The following GRIN2A variants were observed in gnomAD, a reference collection of about 807,000 sequenced individuals.
GRIN2A encodes the protein glutamate receptor ionotropic, NMDA 2A.
GRIN2A carries 22 observed loss-of-function variants against 113.4 expected under a neutral mutation model. The ratio of observed to expected loss-of-function variants is 0.19; its 90% CI spans 0.14 to 0.28. GRIN2A has a LOEUF of 0.28. Among genes scored for constraint, GRIN2A ranks in the 10% least tolerant of loss-of-function variants. GRIN2A has a pLI of 1.00. For synonymous variants in GRIN2A, 827 were observed against 738.4 expected (o/e 1.12, Z -1.94); for missense variants, 1,502 against 1,887.0 (o/e 0.80, Z 3.78).
intron 2 of GRIN2A, among the ~76,000 whole-genome samples, chr16:10,176,438 G>C (rs367949140): frequency 1.0e-3 from 155 of 152,144 alleles, no homozygotes; most frequent in Middle Eastern, 6.8e-3. Context: ...TTGTTATAAG[G>C]CTTTGTTATT....
chr16:9,900,386 C>G (rs994651743), intron 3 of GRIN2A, among the ~76,000 whole-genome samples: 1 of 152,204 alleles, frequency 6.6e-6, no homozygotes, highest in African/African-American at 2.4e-5. Context: ...GGGCATCCAA[C>G]TCTATTCAGG....
rs571924525 is a variant in GRIN2A, at chr16:9,789,131, C to T, written c.2356+9146G>A. On this transcript the variant is annotated intron_variant, in intron 11 of 12. Transcript: ENST00000330684. ...AAGGCCAGATAATAAACATACTGGC[C>T]TTTGCAGGCCTTATGGTTTCTGTTG... 8.0e-4 allele frequency among the ~76,000 whole-genome samples: 122 copies of T among 152,338 alleles called. 1 individual carries two copies. The highest frequency in any genetic ancestry group is 2.6e-3 in the African/African-American group (108 of 41,590).
At chr16:10,039,136 C>A (rs114088061) in intron 2 of GRIN2A, among the ~76,000 whole-genome samples, 2 of 152,162 alleles carry the variant, frequency 1.3e-5, no homozygotes, top group Non-Finnish European at 2.9e-5. Context: ...CTCCCACCCC[C>A]CAATGTCCCC....
chr16:10,023,494 A>G (rs773679929), intron 2 of GRIN2A, among the ~76,000 whole-genome samples: 2 of 152,230 alleles, frequency 1.3e-5, no homozygotes, highest in Non-Finnish European at 2.9e-5. Flanking sequence ...TAAAACCAGT[A>G]AGAGAACACA....
At chr16:10,001,412 A>C (rs775869862) in intron 2 of GRIN2A, among the ~76,000 whole-genome samples, 1 of 152,210 alleles carries the variant, frequency 6.6e-6, no homozygotes, top group African/African-American at 2.4e-5. Context: ...GACTGGAATG[A>C]CCAGTGGCAA....
At chr16:9,803,330 C>T (rs933970666) in intron 10 of GRIN2A, among the ~76,000 whole-genome samples, 3 of 151,918 alleles carry the variant, frequency 2.0e-5, no homozygotes, top group Admixed American at 1.3e-4. Context: ...TCTATTGAAC[C>T]CGGGAGGCAG....
chr16:10,012,320 C>T (rs35317587), intron 2 of GRIN2A, among the ~76,000 whole-genome samples: 1 of 152,112 alleles, frequency 6.6e-6, no homozygotes, highest in African/African-American at 2.4e-5. Context: ...CTTCTCACAC[C>T]TTTTATACCT....
At chr16:9,929,227 A>G (rs577833067) in intron 3 of GRIN2A, among the ~76,000 whole-genome samples, 1 of 152,234 alleles carries the variant, frequency 6.6e-6, no homozygotes, top group South Asian at 2.1e-4. Flanking sequence ...TGTGTATTGC[A>G]TTTTCGGTTT....
intron 4 of GRIN2A, among the ~76,000 whole-genome samples, chr16:9,884,948 A>G (rs1157902488): frequency 6.6e-6 from 1 of 151,624 alleles, no homozygotes; most frequent in African/African-American, 2.4e-5. Flanking sequence ...CATGTTAGCC[A>G]GGATGGTCTC....
chr16:9,962,774 T>C (rs997561445), intron 2 of GRIN2A, among the ~76,000 whole-genome samples: 3 of 152,160 alleles, frequency 2.0e-5, no homozygotes, highest in African/African-American at 7.2e-5. Context: ...TTACTGAGTA[T>C]ATACCCAAAG....
intron 2 of GRIN2A, among the ~76,000 whole-genome samples, chr16:9,986,682 T>C (rs185009683): frequency 2.1e-4 from 31 of 149,618 alleles, no homozygotes; most frequent in Non-Finnish European, 3.8e-4. Context: ...AGAGAATCAC[T>C]TAAACTCAGG....
At chr16:9,913,859 C>T (rs545020459) in intron 3 of GRIN2A, among the ~76,000 whole-genome samples, 4 of 152,122 alleles carry the variant, frequency 2.6e-5, no homozygotes, top group Non-Finnish European at 5.9e-5. Flanking sequence ...AGGCAGATAA[C>T]GTTTGGGCTT....
intron 2 of GRIN2A, among the ~76,000 whole-genome samples, chr16:10,094,584 G>C (rs1175876282): frequency 6.6e-6 from 1 of 152,004 alleles, no homozygotes; most frequent in African/African-American, 2.4e-5. Context: ...TGAGTAGCTG[G>C]GAGTACAGGC....
At chr16:10,004,840 A>AT (rs2046378574) in intron 2 of GRIN2A, among the ~76,000 whole-genome samples, 1 of 152,206 alleles carries the variant, frequency 6.6e-6, no homozygotes, top group African/African-American at 2.4e-5. Flanking sequence ...CCCTTTTGTC[A>AT]TGTAAGGTAA....
intron 2 of GRIN2A, among the ~76,000 whole-genome samples, chr16:9,983,110 G>A (rs919367412): frequency 6.6e-6 from 1 of 152,070 alleles, no homozygotes; most frequent in African/African-American, 2.4e-5. Flanking sequence ...GTCATTTCTT[G>A]TATTTAGAAC....
intron 2 of GRIN2A, among the ~76,000 whole-genome samples, chr16:9,999,417 A>G (rs553708464): frequency 6.6e-6 from 1 of 152,378 alleles, no homozygotes; most frequent in South Asian, 2.1e-4. Flanking sequence ...CAGCCATAAA[A>G]AAGGATGAGT....
rs117965943 is a variant in GRIN2A, at chr16:10,066,288, G to A, written c.414+113710C>T. 1.2e-3 allele frequency among the ~76,000 whole-genome samples: 181 copies of A among 152,240 alleles called. 2 individuals are homozygous for A. The East Asian group carries it at 0.023, about 19-fold the overall frequency. Reference sequence around the variant, plus strand: ...GAGGGTTGCCTGAACACTAGCTCACGAAGTGGCCGCTGGGCTCCTTCCTGG... The same window carrying A: ...GAGGGTTGCCTGAACACTAGCTCACAAAGTGGCCGCTGGGCTCCTTCCTGG... On this transcript the variant is annotated intron_variant, in intron 2 of 12. Coordinates refer to ENST00000330684, the MANE Select transcript of GRIN2A (RefSeq NM_001134407.3).
chr16:10,116,852 C>A (rs1158820518), intron 2 of GRIN2A, among the ~76,000 whole-genome samples: 1 of 152,078 alleles, frequency 6.6e-6, no homozygotes, highest in East Asian at 1.9e-4. Flanking sequence ...TATCCCCTGC[C>A]ACTTCAGGTC....
At chr16:10,024,217 T>G (rs1041375076) in intron 2 of GRIN2A, among the ~76,000 whole-genome samples, 1 of 147,786 alleles carries the variant, frequency 6.8e-6, no homozygotes, top group Non-Finnish European at 1.5e-5. Flanking sequence ...ATTAATGGTA[T>G]GCATGTTTGT....
Sources: allele counts gnomAD v4.1 joint callset (sites outside exome capture counted in the v4.1 genomes callset), GRCh38; gene constraint gnomAD v4.1.1; transcripts MANE v1.5; gene names NCBI Gene and HGNC (gene_info 2026-07-23, HGNC 2026-07-21).